OSBPL11: variants seen among roughly 807,000 people sequenced by gnomAD.
The protein encoded by OSBPL11 is oxysterol-binding protein-related protein 11.
In OSBPL11, 33 loss-of-function variants were observed where a neutral mutation model predicts 84.4. The ratio of observed to expected loss-of-function variants is 0.39; its 90% CI spans 0.30 to 0.52. OSBPL11 has a LOEUF of 0.52. OSBPL11 is among the 20% of genes least tolerant of loss of function. OSBPL11 has a pLI of 0.72. For synonymous variants in OSBPL11, 276 were observed against 310.2 expected (o/e 0.89, Z 1.16); for missense variants, 736 against 901.1 (o/e 0.82, Z 2.35).
intron 9 of OSBPL11, among the ~76,000 whole-genome samples, chr3:125,550,236 A>T (rs535061189): frequency 7.2e-4 from 109 of 151,968 alleles, no homozygotes; most frequent in African/African-American, 2.2e-3. Context: ...TTGGTTGGGC[A>T]TGGTGGCGCA....
intron 2 of OSBPL11, among the ~76,000 whole-genome samples, chr3:125,581,682 T>G (rs1936427570): frequency 8.9e-6 from 1 of 112,678 alleles, no homozygotes; most frequent in Non-Finnish European, 1.7e-5. Flanking sequence ...GGTGACAGAG[T>G]GAGACTCCAT....
At chr3:125,593,338 G>A (rs1936629613) in intron 1 of OSBPL11, among the ~76,000 whole-genome samples, 1 of 152,130 alleles carries the variant, frequency 6.6e-6, no homozygotes, top group Non-Finnish European at 1.5e-5. Context: ...GTTATCTTCT[G>A]GCCAGGCGCG....
intron 6 of OSBPL11, among the ~76,000 whole-genome samples, chr3:125,566,462 T>C (rs1451136708): frequency 6.6e-6 from 1 of 152,198 alleles, no homozygotes; most frequent in East Asian, 1.9e-4. Flanking sequence ...CCGGAATTGT[T>C]GAATTTAGGC....
At chr3:125,530,852 C>T (rs534549680) in intron 12 of OSBPL11, among the ~76,000 whole-genome samples, 1 of 152,264 alleles carries the variant, frequency 6.6e-6, no homozygotes, top group Admixed American at 6.5e-5. Context: ...TTGCCAATTT[C>T]GCCAAGATGC....
chr3:125,540,254 AGGAG>A (rs1935709129), intron 10 of OSBPL11, among the ~76,000 whole-genome samples: 1 of 147,544 alleles, frequency 6.8e-6, no homozygotes, highest in Non-Finnish European at 1.5e-5. Flanking sequence ...GCTTGAACCC[AGGAG>A]GCAGAGGTTG....
At chr3:125,548,367 T>C (rs1274571716) in intron 9 of OSBPL11, among the ~76,000 whole-genome samples, 1 of 152,120 alleles carries the variant, frequency 6.6e-6, no homozygotes, top group Non-Finnish European at 1.5e-5. Flanking sequence ...ATTCTATGTA[T>C]ATTAAGAAAG....
At position 125,594,627 on chromosome 3, in the gene OSBPL11, A is replaced by G; in HGVS notation, c.164+10T>C. The G allele has an allele frequency of 6.2e-7, 1 of 1,609,290 alleles. No homozygotes were observed. The highest frequency in any genetic ancestry group is 8.5e-7 in the Non-Finnish European group (1 of 1,177,298). On this transcript the variant is annotated intron_variant, in intron 1 of 12. Transcript: ENST00000296220. The stretch of plus-strand genomic sequence containing the variant: ...CACCTCGGGAAATAATTTTGGAGAA[A>G]GGAGCATACCTGTACTGCCAGCCTT...
intron 11 of OSBPL11, among the ~76,000 whole-genome samples, chr3:125,537,091 T>C (rs1488066692): frequency 1.5e-5 from 2 of 133,022 alleles, no homozygotes; most frequent in African/African-American, 2.9e-5. Flanking sequence ...ACCTAGGAGG[T>C]GGAAGTTGCA....
chr3:125,586,411 A>C (rs35725435), intron 1 of OSBPL11, among the ~76,000 whole-genome samples: 10,391 of 152,268 alleles, frequency 0.068, 492 homozygotes, highest in Non-Finnish European at 0.1. Flanking sequence ...AACTGTGCTA[A>C]GTGGCTTTAT....
In OSBPL11 at chr3:125,529,367, A is replaced by G. The variant is rs1935523091; in HGVS notation, c.*1148T>C. Reference sequence around the variant, plus strand: ...CAACAAAATACTTATTTAAAAAAAGATTTGTACCTGAATACAACTTCCTGA... The same window carrying G: ...CAACAAAATACTTATTTAAAAAAAGGTTTGTACCTGAATACAACTTCCTGA... On this transcript the variant is annotated 3_prime_UTR_variant, in exon 13 of 13. Coordinates refer to ENST00000296220, the MANE Select transcript of OSBPL11 (RefSeq NM_022776.5). The G allele has an allele frequency of 1.3e-5, 2 of 151,978 alleles. No homozygotes were observed. Among genetic ancestry groups the G allele is most frequent in the African/African-American group, 4.8e-5 (2 of 41,366 alleles). The allele number at this position is 151,978 out of a possible 1,614,324, so 9.4% of individuals were successfully genotyped here.
chr3:125,592,446 A>G (rs1423935905), intron 1 of OSBPL11, among the ~76,000 whole-genome samples: 1 of 152,242 alleles, frequency 6.6e-6, no homozygotes, highest in Non-Finnish European at 1.5e-5. Flanking sequence ...AAAAAATGAA[A>G]TTAAATCTGA....
intron 1 of OSBPL11, among the ~76,000 whole-genome samples, chr3:125,587,180 T>C (rs1215503762): frequency 6.6e-6 from 1 of 152,064 alleles, no homozygotes; most frequent in Non-Finnish European, 1.5e-5. Context: ...AAGGCTGAAA[T>C]GACTAGATTT....
rs768632864 is a variant in OSBPL11 at position 125,563,895 on chromosome 3, T to C, written c.869-52A>G. 2.5e-6 allele frequency: 4 copies of C among 1,599,590 alleles called. No individual in the cohort carries two copies. In the East Asian group the frequency reaches 6.7e-5, roughly 27 times the overall value. On this transcript the variant is annotated intron_variant, in intron 6 of 12. Coordinates refer to ENST00000296220, the MANE Select transcript of OSBPL11 (RefSeq NM_022776.5). ...TGAAACTTGCTCATAATCTAGAAAG[T>C]TCGGCAGATGTGGATTTTAACAATT...
intron 1 of OSBPL11, among the ~76,000 whole-genome samples, chr3:125,583,251 A>T (rs1460551024): frequency 6.6e-6 from 1 of 152,036 alleles, no homozygotes; most frequent in East Asian, 1.9e-4. Flanking sequence ...ACAAATATAA[A>T]ATTACATAAA....
intron 10 of OSBPL11, among the ~76,000 whole-genome samples, chr3:125,541,865 G>A (rs1430037278): frequency 2.0e-5 from 3 of 152,128 alleles, no homozygotes; most frequent in Admixed American, 1.3e-4. Context: ...TTAGAGGTGT[G>A]AGCCACCGTA....
chr3:125,573,010 A>AGTGT (rs548612736), intron 5 of OSBPL11, among the ~76,000 whole-genome samples: 2 of 147,534 alleles, frequency 1.4e-5, no homozygotes, highest in African/African-American at 4.9e-5. Context: ...TAGTATATAT[A>AGTGT]GTGTGTGTGT....
intron 5 of OSBPL11, 50 bp from the exon 6 acceptor site, chr3:125,567,645 T>C (rs776681885): frequency 4.1e-6 from 6 of 1,460,512 alleles, no homozygotes; most frequent in Non-Finnish European, 4.8e-6. Context: ...CTGTAAAACA[T>C]GTATACATAC....
At chr3:125,553,363 A>G (rs774130039) in intron 8 of OSBPL11, among the ~76,000 whole-genome samples, 38 of 152,340 alleles carry the variant, frequency 2.5e-4, no homozygotes, top group African/African-American at 7.9e-4. Flanking sequence ...ATTCCCTGAG[A>G]ACAGACTAAA....
At chr3:125,587,515 G>T (rs1034726443) in intron 1 of OSBPL11, among the ~76,000 whole-genome samples, 4 of 152,196 alleles carry the variant, frequency 2.6e-5, no homozygotes, top group African/African-American at 9.7e-5. Context: ...GATGGGCAGG[G>T]TCTAAGAGAG....
Sources: gnomAD v4.1 joint callset for allele counts (sites outside exome capture counted in the v4.1 genomes callset) on GRCh38, gnomAD v4.1.1 for gene constraint, MANE v1.5 for transcripts, NCBI Gene and HGNC (gene_info 2026-07-23, HGNC 2026-07-21) for gene names.